Variants in NOL4 observed in about 807,000 individuals in gnomAD.
NOL4 encodes nucleolar protein 4.
In NOL4, 17 loss-of-function variants were observed where a neutral mutation model predicts 75.9. The observed-to-expected ratio is 0.22, with a 90% CI of 0.15 to 0.34. The LOEUF is 0.34. Ranked by LOEUF, NOL4 falls within the 10% of genes least tolerant of loss-of-function variation. NOL4 has a pLI of 1.00. For missense variants in NOL4, 614 were observed against 793.5 expected (o/e 0.77, Z 2.72); for synonymous variants, 292 against 289.9 (o/e 1.01, Z -0.07).
At chr18:34,002,345 G>T (rs2073773653) in intron 6 of NOL4, among the ~76,000 whole-genome samples, 1 of 151,988 alleles carries the variant, frequency 6.6e-6, no homozygotes, top group Admixed American at 6.6e-5. Context: ...TTGTCTCCAA[G>T]TTTTGTTTCC....
At chr18:34,208,571 C>A (rs75426623) in intron 1 of NOL4, among the ~76,000 whole-genome samples, 5,269 of 152,228 alleles carry the variant, frequency 0.035, 171 homozygotes, top group Admixed American at 0.11. Flanking sequence ...TAATTATTGG[C>A]TGAGCGTAGT....
At chr18:34,038,651 G>A (rs1053942770) in intron 5 of NOL4, among the ~76,000 whole-genome samples, 2 of 151,954 alleles carry the variant, frequency 1.3e-5, no homozygotes, top group Non-Finnish European at 2.9e-5. Context: ...GATAAATACC[G>A]CATGTTCTCA....
intron 5 of NOL4, among the ~76,000 whole-genome samples, chr18:34,057,890 C>T (rs550862567): frequency 6.6e-6 from 1 of 152,266 alleles, no homozygotes; most frequent in South Asian, 2.1e-4. Flanking sequence ...GATTATTCTG[C>T]ACTTCATGGA....
intron 1 of NOL4, among the ~76,000 whole-genome samples, chr18:34,171,485 TA>T (rs1426046034): frequency 6.6e-6 from 1 of 152,162 alleles, no homozygotes; most frequent in Non-Finnish European, 1.5e-5. Flanking sequence ...CCCTAAAATT[TA>T]AAGTAGCAAT....
intron 6 of NOL4, among the ~76,000 whole-genome samples, chr18:33,983,420 T>TGGCGTGAACCCCAGGGGGCGG (rs1568168050): frequency 3.9e-5 from 6 of 151,944 alleles, no homozygotes; most frequent in Middle Eastern, 3.4e-3. Context: ...GAAGAGTTGG[T>TGGCGTGAACCCCAGGGGGCGG]ATGTGCATGT....
At chr18:34,125,909 G>A (rs931347168) in intron 2 of NOL4, among the ~76,000 whole-genome samples, 3 of 151,560 alleles carry the variant, frequency 2.0e-5, no homozygotes, top group Non-Finnish European at 2.9e-5. Context: ...CTTTCCTCAT[G>A]CTTTCTTATA....
chr18:33,863,307 A>G (rs562013275), intron 10 of NOL4, among the ~76,000 whole-genome samples: 5 of 152,208 alleles, frequency 3.3e-5, no homozygotes, highest in African/African-American at 1.2e-4. Context: ...GCATTGGGAG[A>G]TATACCTAAT....
At chr18:34,151,644 A>T (rs116636337) in intron 1 of NOL4, among the ~76,000 whole-genome samples, 227 of 151,992 alleles carry the variant, frequency 1.5e-3, no homozygotes, top group African/African-American at 5.1e-3. Flanking sequence ...GTCATTATAC[A>T]TCTTTTTCCA....
intron 1 of NOL4, among the ~76,000 whole-genome samples, chr18:34,138,428 A>G (rs751691035): frequency 1.3e-5 from 2 of 152,092 alleles, no homozygotes; most frequent in African/African-American, 2.4e-5. Context: ...AAATAATGAC[A>G]GTAGTTTATT....
chr18:34,131,619 A>G (rs150369492), intron 1 of NOL4, among the ~76,000 whole-genome samples: 5 of 152,250 alleles, frequency 3.3e-5, no homozygotes, highest in South Asian at 4.1e-4. Context: ...AACAAAAAAT[A>G]TGATAATCTT....
At chr18:33,982,584 G>A (rs539492988) in intron 6 of NOL4, among the ~76,000 whole-genome samples, 34 of 152,034 alleles carry the variant, frequency 2.2e-4, no homozygotes, top group African/African-American at 8.2e-4. Flanking sequence ...AGTACCACAG[G>A]GAGAAATAGA....
intron 2 of NOL4, among the ~76,000 whole-genome samples, chr18:34,105,392 C>T (rs886215336): frequency 3.3e-5 from 5 of 151,900 alleles, no homozygotes; most frequent in South Asian, 2.1e-4. Flanking sequence ...AACCACATCT[C>T]GATGGGCATC....
At chr18:33,966,645 C>T (rs2070622738) in intron 6 of NOL4, among the ~76,000 whole-genome samples, 1 of 151,922 alleles carries the variant, frequency 6.6e-6, no homozygotes, top group Non-Finnish European at 1.5e-5. Flanking sequence ...TTTTACACAC[C>T]AAGAATGTTC....
chr18:33,961,386 G>A (rs1312620075), intron 6 of NOL4, among the ~76,000 whole-genome samples: 3 of 151,990 alleles, frequency 2.0e-5, no homozygotes, highest in Non-Finnish European at 4.4e-5. Flanking sequence ...ACAAAGCAGA[G>A]GGAAGGAAAA....
At chr18:33,908,928 C>T (rs1274798612) in intron 9 of NOL4, among the ~76,000 whole-genome samples, 1 of 151,964 alleles carries the variant, frequency 6.6e-6, no homozygotes, top group Non-Finnish European at 1.5e-5. Flanking sequence ...TTCAGTTTAG[C>T]CCTATAAAGT....
chr18:33,963,685 G>A (rs916584936), intron 6 of NOL4, among the ~76,000 whole-genome samples: 1 of 152,166 alleles, frequency 6.6e-6, no homozygotes, highest in African/African-American at 2.4e-5. Context: ...TTTTGCCTTA[G>A]CTATATACTT....
chr18:34,048,404 C>A (rs1600391682), intron 5 of NOL4: 1 of 974,264 alleles, frequency 1.0e-6, no homozygotes, highest in East Asian at 1.1e-4. Context: ...AAACCTCATT[C>A]ATCAATATTC....
At chr18:33,862,702 A>T (rs925666937) in intron 10 of NOL4, among the ~76,000 whole-genome samples, 3 of 152,242 alleles carry the variant, frequency 2.0e-5, no homozygotes, top group African/African-American at 7.2e-5. Context: ...AGAGAAATGC[A>T]AATCTAAACC....
At chr18:33,869,664 G>A (rs527913559) in intron 10 of NOL4, among the ~76,000 whole-genome samples, 1 of 152,084 alleles carries the variant, frequency 6.6e-6, no homozygotes, top group South Asian at 2.1e-4. Context: ...TATTTTTTAT[G>A]TTATGAAACT....
Sources: gnomAD v4.1 joint callset for allele counts (sites outside exome capture counted in the v4.1 genomes callset) on GRCh38, gnomAD v4.1.1 for gene constraint, MANE v1.5 for transcripts, NCBI Gene and HGNC (gene_info 2026-07-23, HGNC 2026-07-21) for gene names.